Variants in ITGAE observed in about 807,000 individuals in gnomAD.
The protein encoded by ITGAE is integrin subunit alpha E, also known as integrin alpha-E.
ITGAE carries 99 observed loss-of-function variants against 136.5 expected under a neutral mutation model. The observed-to-expected ratio is 0.73, with a 90% CI of 0.62 to 0.86. The LOEUF (loss-of-function observed/expected upper bound fraction) is 0.86. ITGAE is among the 40% of genes least tolerant of loss of function. The pLI, the probability that ITGAE is intolerant of heterozygous loss-of-function variation, is 0.00. For synonymous variants in ITGAE, 613 were observed against 591.8 expected (o/e 1.04, Z -0.52); for missense variants, 1,447 against 1,515.3 (o/e 0.95, Z 0.75).
chr17:3,728,243 GC>G, intron 24 of ITGAE, 75 bp from the exon 25 acceptor site: 1 of 1,134,760 alleles, frequency 8.8e-7, no homozygotes, highest in Non-Finnish European at 1.3e-6. Context: ...TCACTCTGTT[GC>G]CCAGGCTAGA....
intron 19 of ITGAE, among the ~76,000 whole-genome samples, chr17:3,741,858 C>A (rs1328134522): frequency 2.6e-5 from 4 of 152,170 alleles, no homozygotes; most frequent in Admixed American, 6.5e-5. Flanking sequence ...GGGTAGATCA[C>A]CTGAGGTCAG....
chr17:3,755,435 G>T (rs979203116), intron 11 of ITGAE, among the ~76,000 whole-genome samples, 174 bp from the exon 12 acceptor site: 2 of 152,232 alleles, frequency 1.3e-5, no homozygotes, highest in African/African-American at 4.8e-5. Context: ...GCCAACACTG[G>T]GCTCCTGCCT....
chr17:3,796,152 T>TGTGTGTGCATCC (rs1303702146), intron 1 of ITGAE, among the ~76,000 whole-genome samples: 9 of 132,370 alleles, frequency 6.8e-5, no homozygotes, highest in African/African-American at 1.9e-4. Context: ...TGCATCCGTG[T>TGTGTGTGCATCC]GTGTGTGTGT....
chr17:3,791,922 T>C (rs988752197), intron 1 of ITGAE, among the ~76,000 whole-genome samples: 5 of 152,174 alleles, frequency 3.3e-5, no homozygotes, highest in African/African-American at 7.2e-5. Context: ...GATGGACATA[T>C]TGGCTTTGTT....
intron 12 of ITGAE, chr17:3,754,760 A>G: frequency 3.2e-6 from 1 of 310,894 alleles, no homozygotes; most frequent in Non-Finnish European, 6.2e-6. Flanking sequence ...CGGTGTCCCC[A>G]TCTCGGCCCC....
At chr17:3,797,389 T>C (rs577679062) in intron 1 of ITGAE, among the ~76,000 whole-genome samples, 22 of 150,094 alleles carry the variant, frequency 1.5e-4, no homozygotes, top group Admixed American at 7.3e-4. Context: ...ATGGTCTCGA[T>C]CTCCTGACCT....
intron 1 of ITGAE, among the ~76,000 whole-genome samples, chr17:3,779,813 G>T (rs898674553): frequency 6.6e-5 from 10 of 151,950 alleles, no homozygotes; most frequent in Non-Finnish European, 1.0e-4. Context: ...AAAATTTTTT[G>T]GGGAAAAATA....
chr17:3,726,633 G>C (rs542774415), intron 26 of ITGAE: 9 of 320,180 alleles, frequency 2.8e-5, no homozygotes, highest in Admixed American at 9.0e-5. Flanking sequence ...TTCATATCTA[G>C]CCTGGTCAAC....
At chr17:3,782,918 A>G (rs1205082684) in intron 1 of ITGAE, among the ~76,000 whole-genome samples, 1 of 152,174 alleles carries the variant, frequency 6.6e-6, no homozygotes, top group East Asian at 1.9e-4. Flanking sequence ...AACAGTTTCT[A>G]GTCCAACAAT....
chr17:3,729,432 CT>C (rs1052907089), intron 24 of ITGAE, 45 bp downstream of exon 24: 1 of 1,217,006 alleles, frequency 8.2e-7, no homozygotes, highest in African/African-American at 1.5e-5. Flanking sequence ...AAGCTGCCCC[CT>C]GGGCGATGGA....
At position 3,753,445 on chromosome 17, in the gene ITGAE, G is replaced by A. The variant is rs751587002; in HGVS notation, c.1528-15C>T. ...TAGGACCCCATCTACAGCCCGGGAG[G>A]AACTCAGCTCACCAGGAGCCCCGCT... On this transcript the variant is annotated splice_polypyrimidine_tract_variant and intron_variant, in intron 13 of 30. Transcript: ENST00000263087. 17 of 1,610,544 alleles carry A rather than the reference G, an allele frequency of 1.1e-5. No individual in the cohort carries two copies. Among genetic ancestry groups the A allele is most frequent in the Admixed American group, 1.7e-5 (1 of 59,824 alleles).
At chr17:3,740,665 C>T (rs2915550) in intron 19 of ITGAE, among the ~76,000 whole-genome samples, 31,732 of 152,200 alleles carry the variant, frequency 0.21, 5,408 homozygotes, top group African/African-American at 0.45. Context: ...TGTGAGCCAC[C>T]GCGCCCGGCC....
chr17:3,746,061 A>ACTCCTG (rs1271212695), intron 17 of ITGAE, 134 bp from the exon 18 acceptor site: 1 of 752,780 alleles, frequency 1.3e-6, no homozygotes, highest in Admixed American at 2.9e-5. Context: ...CTGCGGCTGG[A>ACTCCTG]CTCCTGCGTC....
intron 16 of ITGAE, among the ~76,000 whole-genome samples, chr17:3,748,906 G>A (rs2051788947): frequency 6.6e-6 from 1 of 152,200 alleles, no homozygotes; most frequent in African/African-American, 2.4e-5. Flanking sequence ...GTAAAGCCAT[G>A]GTGAGGAATT....
chr17:3,772,062 A>AT (rs2052437244), intron 2 of ITGAE, among the ~76,000 whole-genome samples: 1 of 151,794 alleles, frequency 6.6e-6, no homozygotes, highest in Non-Finnish European at 1.5e-5. Context: ...GCCACACGTG[A>AT]TTTTCTCAGT....
In ITGAE at chr17:3,742,845, T is replaced by C. The variant is rs558905710; in HGVS notation, c.2448+644A>G. ...TTTTGTATTTTTAGTAGAGACAGGG[T>C]TTCACCATCTTGGCCAGGCTGGTAT... On this transcript the variant is annotated intron_variant, in intron 19 of 30. Transcript: ENST00000263087. Among the ~76,000 whole-genome samples the C allele has an allele frequency of 8.8e-4, 134 of 152,246 alleles. 2 individuals carry two copies. Among genetic ancestry groups the C allele is most frequent in the African/African-American group, 3.1e-3 (130 of 41,540 alleles).
intron 20 of ITGAE, 44 bp from the exon 21 acceptor site, chr17:3,734,993 T>A: frequency 6.2e-7 from 1 of 1,610,794 alleles, no homozygotes; most frequent in Non-Finnish European, 8.5e-7. Context: ...ATTTCATCTG[T>A]AAAAACCTCA....
rs770796238 is a variant in ITGAE, at chr17:3,716,828, A to C, written c.3334-30T>G. 3.1e-6 allele frequency: 4 copies of C among 1,285,102 alleles called. No homozygotes were observed. The East Asian group carries it at 6.9e-5, about 22-fold the overall frequency. The allele number at this position is 1,285,102 out of a possible 1,614,324, so 79.6% of individuals were successfully genotyped here. A position where few individuals can be genotyped will look rare whatever the true frequency, so the allele number is the denominator to read the frequency against. On this transcript the variant is annotated intron_variant, in intron 29 of 30. Transcript: ENST00000263087. ...ACAAGACAAAGAGATCGCCCAATAA[A>C]TCAGGTGAAGCAAACAAGGAAAAAA...
chr17:3,743,128 C>G (rs1355601049), intron 19 of ITGAE, among the ~76,000 whole-genome samples: 1 of 152,246 alleles, frequency 6.6e-6, no homozygotes, highest in African/African-American at 2.4e-5. Flanking sequence ...CAGCTCCAGT[C>G]TAGCTCCCAC....
Sources: gnomAD v4.1 joint callset for allele counts (sites outside exome capture counted in the v4.1 genomes callset) on GRCh38, gnomAD v4.1.1 for gene constraint, MANE v1.5 for transcripts, NCBI Gene and HGNC (gene_info 2026-07-23, HGNC 2026-07-21) for gene names.